The following AMPD3 variants were observed in gnomAD, a reference collection of about 807,000 sequenced individuals.
AMPD3 encodes AMP deaminase 3.
AMPD3 carries 57 observed loss-of-function variants against 82.3 expected under a neutral mutation model. That is an observed-to-expected ratio of 0.69 (90% CI 0.56 to 0.86). The LOEUF (loss-of-function observed/expected upper bound fraction) is 0.86. Ranked by LOEUF, AMPD3 falls within the 40% of genes least tolerant of loss-of-function variation. The probability of loss-of-function intolerance (pLI) is 0.00; values close to 1 mark genes in which losing one functional copy is unlikely to be tolerated. For synonymous variants in AMPD3, 381 were observed against 394.7 expected, an observed-to-expected ratio of 0.97 and a Z score of 0.41; for missense variants, 870 against 1,003.8, an observed-to-expected ratio of 0.87 and a Z score of 1.80.
intron 3 of AMPD3, 49 bp downstream of exon 3, chr11:10,478,779 G>A (rs755048329): frequency 1.3e-6 from 2 of 1,582,638 alleles, no homozygotes; most frequent in Non-Finnish European, 1.7e-6. Flanking sequence ...CAAAGGCCAG[G>A]GGCCCCATGG....
rs927703592 is a variant in AMPD3, at chr11:10,467,387, C to A, written c.221+5647C>A. Reference sequence around the variant, plus strand: ...GTGAAGCATTCACAAGTATGAATAGCTGAATCAATCAAACGGAAGAAAGGA... The same window carrying A: ...GTGAAGCATTCACAAGTATGAATAGATGAATCAATCAAACGGAAGAAAGGA... On this transcript the variant is annotated intron_variant, in intron 2 of 14. Transcript: ENST00000396553. Among the ~76,000 whole-genome samples, 29 of 152,040 alleles carry A rather than the reference C, an allele frequency of 1.9e-4. 1 individual carries two copies. Among genetic ancestry groups the A allele is most frequent in the East Asian group, 1.9e-4 (1 of 5,180 alleles).
chr11:10,480,269 T>G (rs530250249), intron 3 of AMPD3, among the ~76,000 whole-genome samples: 53 of 152,358 alleles, frequency 3.5e-4, no homozygotes, highest in African/African-American at 1.1e-3. Flanking sequence ...GCATCCTCTC[T>G]GATGTCCTTA....
intron 7 of AMPD3, chr11:10,494,495 A>G (rs564531853): frequency 2.2e-6 from 2 of 898,396 alleles, no homozygotes; most frequent in African/African-American, 1.9e-5. Context: ...TGTGTTGTAC[A>G]TGCTTTATTA....
At chr11:10,476,464 T>TG (rs1848738793) in intron 2 of AMPD3, among the ~76,000 whole-genome samples, 1 of 94,466 alleles carries the variant, frequency 1.1e-5, no homozygotes, top group Non-Finnish European at 2.5e-5. Context: ...TGGGCTGTAG[T>TG]GTTTTTTTTT....
rs1303972426 is a variant in AMPD3, at chr11:10,478,710, A to G, written c.406A>G (p.Ser136Gly). Reference sequence around the variant, plus strand: ...GCCTGAGTTCCAGCGGGTCACCATCAGCGGAGATTACTGTGCCGGGGTAAG... The same window carrying G: ...GCCTGAGTTCCAGCGGGTCACCATCGGCGGAGATTACTGTGCCGGGGTAAG... ...AMPEFQRVTI[S>G]GDYCAGITLE... The change falls in exon 3 of 15, where the codon AGC (serine) becomes GGC (glycine). Residue 136 changes from serine to glycine, a missense_variant. By Grantham distance (56) the Ser-to-Gly change is moderately conservative (BLOSUM62 0). Coordinates refer to ENST00000396553, the MANE Select transcript of AMPD3 (RefSeq NM_001025389.2). 1 of 1,613,478 alleles carries G rather than the reference A, an allele frequency of 6.2e-7. No individual in the cohort carries two copies. Among genetic ancestry groups the G allele is most frequent in the East Asian group, 2.2e-5 (1 of 44,882 alleles).
chr11:10,467,248 G>T (rs1848447537), intron 2 of AMPD3, among the ~76,000 whole-genome samples: 1 of 152,148 alleles, frequency 6.6e-6, no homozygotes, highest in South Asian at 2.1e-4. Context: ...CTAACCCAAT[G>T]CAAGGAAGAT....
intron 2 of AMPD3, among the ~76,000 whole-genome samples, chr11:10,462,695 G>A (rs1848305852): frequency 6.6e-6 from 1 of 152,226 alleles, no homozygotes; most frequent in Admixed American, 6.5e-5. Context: ...TGCTATGAAA[G>A]AGATGAATAA....
At chr11:10,487,481 G>A in intron 6 of AMPD3, 117 bp downstream of exon 6, 1 of 1,483,984 alleles carries the variant, frequency 6.7e-7, no homozygotes, top group East Asian at 2.3e-5. Flanking sequence ...CCTTGCTAAG[G>A]GCGGCCTTCG....
At chr11:10,502,446 C>A in intron 12 of AMPD3, 1 of 985,466 alleles carries the variant, frequency 1.0e-6, no homozygotes, top group Non-Finnish European at 1.2e-6. Context: ...TGCCCTGAGC[C>A]TTGCCTCCAG....
chr11:10,478,472 C>G, intron 2 of AMPD3, 54 bp from the exon 3 acceptor site: 1 of 1,605,618 alleles, frequency 6.2e-7, no homozygotes, highest in Non-Finnish European at 8.5e-7. Flanking sequence ...GTCTTTATCA[C>G]TCACCCCAAT....
intron 1 of AMPD3, 97 bp downstream of exon 1, chr11:10,455,545 T>G: frequency 1.3e-5 from 8 of 631,538 alleles, no homozygotes; most frequent in Non-Finnish European, 1.6e-5. Context: ...TGGTAAAGCT[T>G]ATCAGGCTTC....
At chr11:10,495,422 A>C in intron 8 of AMPD3, 148 bp from the exon 9 acceptor site, 3 of 1,525,536 alleles carry the variant, frequency 2.0e-6, no homozygotes, top group South Asian at 2.5e-5. Context: ...AGCTTACAGG[A>C]GCAGGCAGCC....
intron 2 of AMPD3, among the ~76,000 whole-genome samples, chr11:10,467,712 T>C (rs1848461626): frequency 1.3e-5 from 2 of 151,988 alleles, no homozygotes; most frequent in South Asian, 2.1e-4. Context: ...AGACACATAA[T>C]CGTCAGATGC....
chr11:10,495,878 A>T, intron 9 of AMPD3, 145 bp downstream of exon 9: 1 of 1,059,910 alleles, frequency 9.4e-7, no homozygotes, highest in South Asian at 1.4e-5. Flanking sequence ...TTTCCATAGA[A>T]GGAGTGATGA....
At chr11:10,463,512 A>G (rs986819739) in intron 2 of AMPD3, among the ~76,000 whole-genome samples, 3 of 152,250 alleles carry the variant, frequency 2.0e-5, no homozygotes, top group Admixed American at 6.5e-5. Context: ...GACTTCATCA[A>G]GTGAATGGTC....
In AMPD3 at chr11:10,504,510, T is replaced by G. The variant is rs764463035; in HGVS notation, c.2017-39T>G. The G allele has an allele frequency of 3.2e-6, 5 of 1,573,592 alleles. No homozygotes were observed. In the East Asian group the frequency reaches 9.0e-5, roughly 28 times the overall value. On this transcript the variant is annotated intron_variant, in intron 13 of 14. Transcript: ENST00000396553. ...CATGTGTGAACGATTGACATGGATA[T>G]CCCCCCTTCTAATCCACATGCTTTG...
At chr11:10,474,644 G>C (rs1264423967) in intron 2 of AMPD3, among the ~76,000 whole-genome samples, 1 of 152,228 alleles carries the variant, frequency 6.6e-6, no homozygotes, top group African/African-American at 2.4e-5. Flanking sequence ...TCTTTGTCTT[G>C]TGGGCCTGGT....
rs754539038 is a variant in AMPD3 at position 10,496,866 on chromosome 11, C to T, written c.1485C>T (p.Asn495=). 6.2e-7 allele frequency: 1 copy of T among 1,614,160 alleles called. No individual in the cohort carries two copies. The highest frequency in any genetic ancestry group is 8.5e-7 in the Non-Finnish European group (1 of 1,180,014). ...LLPNFGKMLE[N]IFLPLFKATI... Reference sequence around the variant, plus strand: ...CAAACTTTGGGAAGATGCTGGAGAACATCTTCCTGCCCCTTTTCAAGGCCA... The same window carrying T: ...CAAACTTTGGGAAGATGCTGGAGAATATCTTCCTGCCCCTTTTCAAGGCCA... Residue 495 remains asparagine, a synonymous_variant, in exon 10 of 15, where the codon AAC becomes AAT. Coordinates refer to ENST00000396553, the MANE Select transcript of AMPD3 (RefSeq NM_001025389.2).
intron 1 of AMPD3, among the ~76,000 whole-genome samples, chr11:10,459,556 C>G (rs1345136848): frequency 6.6e-6 from 1 of 152,188 alleles, no homozygotes; most frequent in Non-Finnish European, 1.5e-5. Flanking sequence ...AGGGCTCTGT[C>G]TCATCTCCAT....
Sources: allele counts gnomAD v4.1 joint callset (sites outside exome capture counted in the v4.1 genomes callset), GRCh38; gene constraint gnomAD v4.1.1; transcripts MANE v1.5; gene names NCBI Gene and HGNC (gene_info 2026-07-23, HGNC 2026-07-21).